Variants in CHST3 observed in about 807,000 individuals in gnomAD.
CHST3 encodes the protein C6ST-1.
A neutral mutation model predicts 35.4 loss-of-function variants in CHST3; 20 were observed. The ratio of observed to expected loss-of-function variants is 0.57; its 90% CI spans 0.40 to 0.82. The LOEUF (loss-of-function observed/expected upper bound fraction) is 0.82. Among genes scored for constraint, CHST3 ranks in the 40% least tolerant of loss-of-function variants. The pLI, the probability that CHST3 is intolerant of heterozygous loss-of-function variation, is 0.00. For synonymous variants in CHST3, 334 were observed against 295.9 expected (o/e 1.13, Z -1.32); for missense variants, 693 against 670.1 (o/e 1.03, Z -0.38).
rs912515040 is a variant in CHST3 at position 72,011,945 on chromosome 10, C to G, written c.*3474C>G. ...AGAGAAGACCAGATGTGCATAGAAGCCAGTCTCTGTCACATACACCGCAGG... is the reference window on the plus strand; with the variant it reads ...AGAGAAGACCAGATGTGCATAGAAGGCAGTCTCTGTCACATACACCGCAGG... On this transcript the variant is annotated 3_prime_UTR_variant, in exon 3 of 3. Coordinates refer to ENST00000373115, the MANE Select transcript of CHST3 (RefSeq NM_004273.5). 3 of 152,212 alleles carry G rather than the reference C, an allele frequency of 2.0e-5. No homozygotes were observed. Among genetic ancestry groups the G allele is most frequent in the Admixed American group, 6.5e-5 (1 of 15,276 alleles). 9.4% of individuals were successfully genotyped at this position (152,212 alleles called of 1,614,324 possible). A position where few individuals can be genotyped will look rare whatever the true frequency, so the allele number is the denominator to read the frequency against.
chr10:71,973,070 G>A (rs898846017), intron 1 of CHST3, among the ~76,000 whole-genome samples: 1 of 152,230 alleles, frequency 6.6e-6, no homozygotes, highest in African/African-American at 2.4e-5. Flanking sequence ...GTGGCACAGA[G>A]CCCTCAGTGG....
At chr10:72,005,490 G>C (rs1465254653) in intron 1 of CHST3, among the ~76,000 whole-genome samples, 3 of 152,150 alleles carry the variant, frequency 2.0e-5, no homozygotes, top group African/African-American at 7.2e-5. Context: ...CCGTGCACAG[G>C]CCTTTGATGT....
intron 1 of CHST3, among the ~76,000 whole-genome samples, chr10:71,972,719 G>A (rs1169281787): frequency 2.0e-5 from 3 of 152,288 alleles, no homozygotes; most frequent in African/African-American, 4.8e-5. Flanking sequence ...ACCTGGACTC[G>A]GTATCCCATG....
chr10:71,965,431 C>A (rs549027920), intron 1 of CHST3, among the ~76,000 whole-genome samples: 1 of 152,158 alleles, frequency 6.6e-6, no homozygotes, highest in Non-Finnish European at 1.5e-5. Context: ...AGGGACCCTT[C>A]CCCCCAGCGG....
At position 71,971,481 on chromosome 10, in the gene CHST3, G is replaced by A. The variant is rs74148145; in HGVS notation, c.-108+6787G>A. On this transcript the variant is annotated intron_variant, in intron 1 of 2. Transcript: ENST00000373115. Reference sequence around the variant, plus strand: ...GTTCACACATGCTGCGCCGATGCCCGCCTGTGCCTGTGCCAGCCCCAGCCC... The same window carrying A: ...GTTCACACATGCTGCGCCGATGCCCACCTGTGCCTGTGCCAGCCCCAGCCC... Among the ~76,000 whole-genome samples, 1,198 of 152,152 alleles carry A rather than the reference G, an allele frequency of 7.9e-3. 16 individuals are homozygous for A. The highest frequency in any genetic ancestry group is 0.028 in the African/African-American group (1,142 of 41,514).
intron 1 of CHST3, among the ~76,000 whole-genome samples, chr10:72,004,847 G>A (rs763501251): frequency 6.6e-6 from 1 of 152,124 alleles, no homozygotes; most frequent in Non-Finnish European, 1.5e-5. Flanking sequence ...TGAGCAGTGG[G>A]GGCCAGGCGT....
chr10:71,986,534 T>C (rs1839848481), intron 1 of CHST3, among the ~76,000 whole-genome samples: 1 of 152,224 alleles, frequency 6.6e-6, no homozygotes, highest in African/African-American at 2.4e-5. Context: ...CCTTCCCATC[T>C]GTCAGCTTTG....
chr10:71,998,096 G>A (rs1384866036), intron 1 of CHST3, among the ~76,000 whole-genome samples: 2 of 152,030 alleles, frequency 1.3e-5, no homozygotes, highest in Admixed American at 1.3e-4. Context: ...CCAAGATCAT[G>A]CCACTGTACC....
chr10:71,971,744 G>T (rs1230803472), intron 1 of CHST3, among the ~76,000 whole-genome samples: 1 of 152,232 alleles, frequency 6.6e-6, no homozygotes, highest in Non-Finnish European at 1.5e-5. Flanking sequence ...CACAGGGCAG[G>T]GCCGCAGGTG....
intron 1 of CHST3, among the ~76,000 whole-genome samples, chr10:71,993,734 A>C (rs760239518): frequency 1.3e-5 from 2 of 152,190 alleles, no homozygotes; most frequent in African/African-American, 2.4e-5. Context: ...AGGGAGGAGG[A>C]TTGTTTGAGG....
chr10:72,008,058 G>T lies in CHST3; in HGVS notation c.1027G>T (p.Gly343Cys). Residue 343 changes from glycine to cysteine, a missense_variant, in exon 3 of 3, where the codon GGC (glycine) becomes TGC (cysteine). Physicochemically the swap from Gly to Cys is radical, Grantham distance 159. Coordinates refer to ENST00000373115, the MANE Select transcript of CHST3 (RefSeq NM_004273.5). ...LREEEVQRLR[G>C]NCESIRLSAE... Reference sequence around the variant, plus strand: ...GGAAGAGGAGGTGCAGCGGCTGCGGGGCAACTGCGAGAGCATCCGCCTGTC... The same window carrying T: ...GGAAGAGGAGGTGCAGCGGCTGCGGTGCAACTGCGAGAGCATCCGCCTGTC... 1 of 1,549,100 alleles carries T rather than the reference G, an allele frequency of 6.5e-7. No homozygotes were observed. Among genetic ancestry groups the T allele is most frequent in the Middle Eastern group, 1.8e-4 (1 of 5,588 alleles).
chr10:72,001,088 T>G (rs1008644553), intron 1 of CHST3, among the ~76,000 whole-genome samples: 1 of 152,034 alleles, frequency 6.6e-6, no homozygotes, highest in African/African-American at 2.4e-5. Flanking sequence ...GACAGTGATT[T>G]GAGAACTGTA....
chr10:71,996,618 G>A (rs555615643), intron 1 of CHST3, among the ~76,000 whole-genome samples: 1 of 152,148 alleles, frequency 6.6e-6, no homozygotes, highest in Non-Finnish European at 1.5e-5. Flanking sequence ...TCTTTTTTCA[G>A]TGGAGTATTA....
At chr10:71,967,345 G>A (rs1839641814) in intron 1 of CHST3, among the ~76,000 whole-genome samples, 1 of 152,094 alleles carries the variant, frequency 6.6e-6, no homozygotes, top group African/African-American at 2.4e-5. Flanking sequence ...CCTCAAGTAG[G>A]TCCTGGTGTC....
Position 72,012,530 on chromosome 10 carries a change from G to C in CHST3, c.*4059G>C, listed in dbSNP as rs1236542443. On this transcript the variant is annotated 3_prime_UTR_variant, in exon 3 of 3. Coordinates refer to ENST00000373115, the MANE Select transcript of CHST3 (RefSeq NM_004273.5). ...GACAGGAGCAGAAGACTGGATGGCT[G>C]TGTCCTCAAGGCAGTCCCCTCCCAT... 1 of 152,374 alleles carries C rather than the reference G, an allele frequency of 6.6e-6. No individual in the cohort carries two copies. Among genetic ancestry groups the C allele is most frequent in the Admixed American group, 6.5e-5 (1 of 15,284 alleles). 9.4% of individuals were successfully genotyped at this position (152,374 alleles called of 1,614,324 possible).
chr10:72,012,928 T>C lies in CHST3; in HGVS notation c.*4457T>C, dbSNP rs905199161. 7 of 152,272 alleles carry C rather than the reference T, an allele frequency of 4.6e-5. No individual in the cohort carries two copies. Among genetic ancestry groups the C allele is most frequent in the African/African-American group, 1.7e-4 (7 of 41,470 alleles). 9.4% of individuals were successfully genotyped at this position (152,272 alleles called of 1,614,324 possible). A position where few individuals can be genotyped will look rare whatever the true frequency, so the allele number is the denominator to read the frequency against. On this transcript the variant is annotated 3_prime_UTR_variant, in exon 3 of 3. Transcript: ENST00000373115. ...TTGTCTCAAGAGCTCCAAGATCCTTTGGTCTCGTGTCCTTTGGCACCCCGT... is the reference window on the plus strand; with the variant it reads ...TTGTCTCAAGAGCTCCAAGATCCTTCGGTCTCGTGTCCTTTGGCACCCCGT...
At position 72,011,600 on chromosome 10, in the gene CHST3, C is replaced by G. The variant is rs187587634; in HGVS notation, c.*3129C>G. 2.0e-5 allele frequency: 3 copies of G among 152,386 alleles called. No homozygotes were observed. The East Asian group carries it at 5.8e-4, about 29-fold the overall frequency. 9.4% of individuals were successfully genotyped at this position (152,386 alleles called of 1,614,324 possible). ...CTTCCCCTGCAAGGTGCCCACCTGC[C>G]CGGAGACAGAGGGAGCAGCTGAGGC... On this transcript the variant is annotated 3_prime_UTR_variant, in exon 3 of 3. Coordinates refer to ENST00000373115, the MANE Select transcript of CHST3 (RefSeq NM_004273.5).
intron 2 of CHST3, 97 bp from the exon 3 acceptor site, chr10:72,007,075 G>A (rs1840045660): frequency 1.4e-6 from 2 of 1,395,352 alleles, no homozygotes; most frequent in South Asian, 2.5e-5. Flanking sequence ...ACCCAACTGA[G>A]ACAGGTTTTG....
intron 2 of CHST3, among the ~76,000 whole-genome samples, 183 bp from the exon 3 acceptor site, chr10:72,006,989 C>T (rs1472183603): frequency 6.6e-6 from 1 of 152,268 alleles, no homozygotes; most frequent in Non-Finnish European, 1.5e-5. Flanking sequence ...CTTCCCCATC[C>T]AGTACTTCCT....
Sources: allele counts gnomAD v4.1 joint callset (sites outside exome capture counted in the v4.1 genomes callset), GRCh38; gene constraint gnomAD v4.1.1; transcripts MANE v1.5; gene names NCBI Gene and HGNC (gene_info 2026-07-23, HGNC 2026-07-21).